Variants in AHNAK observed in about 807,000 individuals in gnomAD.
AHNAK encodes neuroblast differentiation-associated protein AHNAK.
AHNAK carries 23 observed loss-of-function variants against 37.8 expected under a neutral mutation model. The observed-to-expected ratio is 0.61, with a 90% confidence interval of 0.44 to 0.86. AHNAK has a LOEUF of 0.86. Among genes scored for constraint, AHNAK ranks in the 40% least tolerant of loss-of-function variants. The pLI is 0.00. For synonymous variants in AHNAK, 2,481 were observed against 2,636.3 expected (o/e 0.94, Z 1.80); for missense variants, 7,411 against 7,319.4 (o/e 1.01, Z -0.46).
rs747357842 is a variant in AHNAK at position 62,517,705 on chromosome 11, T to A, written c.16712A>T (p.Asp5571Val). 1 of 1,614,142 alleles carries A rather than the reference T, an allele frequency of 6.2e-7. No individual in the cohort carries two copies. The highest frequency in any genetic ancestry group is 8.5e-7 in the Non-Finnish European group (1 of 1,180,016). ...LKGPKIKGGA[D>V]VSGGVSAPDI... The stretch of plus-strand genomic sequence containing the variant: ...TGGGGCACTGACACCCCCTGAAACA[T>A]CCGCACCTCCTTTGATTTTTGGGCC... Residue 5571 changes from aspartate (D) to valine (V), a missense_variant, in exon 5 of 5, where the codon GAT (aspartate) becomes GTT (valine). By Grantham distance (152) the Asp-to-Val change is radical. Coordinates refer to ENST00000378024, the MANE Select transcript of AHNAK (RefSeq NM_001620.3).
At position 62,531,080 on chromosome 11, in the gene AHNAK, G is replaced by A. The variant is rs745536213; in HGVS notation, c.3337C>T (p.Pro1113Ser). The change falls in exon 5 of 5, where the codon CCA becomes TCA. Residue 1113 changes from proline (P) to serine (S), a missense_variant. Transcript: ENST00000378024. The stretch of plus-strand genomic sequence containing the variant: ...TCCAGGCCTTGGCCTTCCACATCTG[G>A]TGCTTTAATATCTACCTTGGGACCT... ...IRGPKVDIKA[P>S]DVEGQGLDWS... 3 of 1,613,758 alleles carry A rather than the reference G, an allele frequency of 1.9e-6. No homozygotes were observed. Among genetic ancestry groups the A allele is most frequent in the East Asian group, 4.5e-5 (2 of 44,876 alleles).
chr11:62,486,779 G>C (rs1347027022), intron 5 of AHNAK, among the ~76,000 whole-genome samples: 2 of 151,308 alleles, frequency 1.3e-5, no homozygotes, highest in Admixed American at 6.6e-5. Flanking sequence ...TCTTTACATA[G>C]ATGGAGAACT....
At position 62,531,932 on chromosome 11, in the gene AHNAK, C is replaced by T. The variant is rs751959535; in HGVS notation, c.2485G>A (p.Gly829Ser). The T allele has an allele frequency of 1.2e-6, 2 of 1,613,998 alleles. No individual in the cohort carries two copies. The highest frequency in any genetic ancestry group is 1.7e-6 in the Non-Finnish European group (2 of 1,179,992). The stretch of plus-strand genomic sequence containing the variant: ...TCATATTCTCCCTTTACGTTAGGGC[C>T]TTTCAGATGTAAGTCCACATCAGGC... ...SMPDVDLHLK[G>S]PNVKGEYDVT... The change falls in exon 5 of 5, where the codon GGC (glycine) becomes AGC (serine). Residue 829 changes from glycine to serine, a missense_variant. Physicochemically the swap from Gly to Ser is moderately conservative, Grantham distance 56. Transcript: ENST00000378024.
chr11:62,514,196 C>A (rs1195002258), downstream of AHNAK, among the ~76,000 whole-genome samples: 1 of 152,170 alleles, frequency 6.6e-6, no homozygotes, highest in Non-Finnish European at 1.5e-5. Context: ...TACACAAGTG[C>A]ACCCCACTGT....
At chr11:62,511,839 C>A (rs1179379941), downstream of AHNAK, among the ~76,000 whole-genome samples, 1 of 152,078 alleles carries the variant, frequency 6.6e-6, no homozygotes, top group East Asian at 1.9e-4. Context: ...CAGGCGAGTG[C>A]CACACCGGGC....
intron 5 of AHNAK, among the ~76,000 whole-genome samples, chr11:62,464,603 G>A (rs1938864693): frequency 6.6e-6 from 1 of 152,022 alleles, no homozygotes; most frequent in South Asian, 2.1e-4. Flanking sequence ...AGGAGGCGGA[G>A]GTTGCAGTGA....
Position 62,521,504 on chromosome 11 carries a change from C to A in AHNAK, c.12913G>T (p.Val4305Leu). Reference sequence around the variant, plus strand: ...TGCCAGTCTGGGCCATGAACATCTACATCAGGGGCATCGATGTCCACTTTG... The same window carrying A: ...TGCCAGTCTGGGCCATGAACATCTAAATCAGGGGCATCGATGTCCACTTTG... ...GPKVDIDAPD[V>L]DVHGPDWHLK... The change falls in exon 5 of 5, where the codon GTA becomes TTA. Residue 4305 changes from valine (V) to leucine (L), a missense_variant. Coordinates refer to ENST00000378024, the MANE Select transcript of AHNAK (RefSeq NM_001620.3). 6.2e-7 allele frequency: 1 copy of A among 1,612,712 alleles called. No homozygotes were observed. The highest frequency in any genetic ancestry group is 1.1e-5 in the South Asian group (1 of 90,998).
Position 62,524,279 on chromosome 11 carries a change from T to C in AHNAK, c.10138A>G (p.Ile3380Val), listed in dbSNP as rs1940385864. The change falls in exon 5 of 5, where the codon ATA (isoleucine) becomes GTA (valine). Residue 3380 changes from isoleucine to valine, a missense_variant. By Grantham distance (29) the Ile-to-Val change is conservative (BLOSUM62 3). Coordinates refer to ENST00000378024, the MANE Select transcript of AHNAK (RefSeq NM_001620.3). ...DVKGKKPDID[I>V]TGPKVDINAP... ...TTAATATCAACTTTTGGACCTGTTA[T>C]GTCAATATCTGGCTTTTTACCTTTG... 1 of 1,613,936 alleles carries C rather than the reference T, an allele frequency of 6.2e-7. No individual in the cohort carries two copies. Among genetic ancestry groups the C allele is most frequent in the Non-Finnish European group, 8.5e-7 (1 of 1,179,976 alleles).
At position 62,520,030 on chromosome 11, in the gene AHNAK, T is replaced by C. The variant is rs757957006; in HGVS notation, c.14387A>G (p.Glu4796Gly). 6.2e-7 allele frequency: 1 copy of C among 1,613,306 alleles called. No individual in the cohort carries two copies. Among genetic ancestry groups the C allele is most frequent in the East Asian group, 2.2e-5 (1 of 44,830 alleles). ...PKFSMPGFKG[E>G]GPDVDVSLPK... Reference sequence around the variant, plus strand: ...CAGGCTCACATCCACATCTGGACCTTCTCCTTTGAAGCCAGGCATGCTGAA... The same window carrying C: ...CAGGCTCACATCCACATCTGGACCTCCTCCTTTGAAGCCAGGCATGCTGAA... The change falls in exon 5 of 5, where the codon GAA becomes GGA. Residue 4796 changes from glutamate to glycine, a missense_variant. By Grantham distance (98) the Glu-to-Gly change is moderately conservative. Coordinates refer to ENST00000378024, the MANE Select transcript of AHNAK (RefSeq NM_001620.3).
intron 5 of AHNAK, among the ~76,000 whole-genome samples, chr11:62,490,363 G>C (rs112388625): frequency 6.6e-6 from 1 of 151,782 alleles, no homozygotes; most frequent in African/African-American, 2.4e-5. Context: ...CACCACGCCC[G>C]GCTAATTTTG....
chr11:62,501,902 C>A (rs1034949013), intron 4 of AHNAK, among the ~76,000 whole-genome samples: 1 of 152,176 alleles, frequency 6.6e-6, no homozygotes, highest in Non-Finnish European at 1.5e-5. Context: ...CCCAGCCAGG[C>A]TTTCCAGGTC....
At chr11:62,435,893 T>C (rs1267651880) in intron 5 of AHNAK, among the ~76,000 whole-genome samples, 1 of 152,224 alleles carries the variant, frequency 6.6e-6, no homozygotes, top group East Asian at 1.9e-4. Flanking sequence ...TATGAACCTG[T>C]CGCTGAGCTG....
chr11:62,488,214 G>A (rs1460989500), intron 5 of AHNAK, among the ~76,000 whole-genome samples: 2 of 152,048 alleles, frequency 1.3e-5, no homozygotes, highest in African/African-American at 4.8e-5. Flanking sequence ...TGAGAAAAGG[G>A]GTCAAATCCC....
intron 5 of AHNAK, among the ~76,000 whole-genome samples, chr11:62,441,265 G>A (rs1488650930): frequency 6.6e-6 from 1 of 151,266 alleles, no homozygotes; most frequent in Non-Finnish European, 1.5e-5. Flanking sequence ...GCCTCCCAAA[G>A]TGCTGGGATT....
In AHNAK at chr11:62,527,295, G is replaced by A. The variant is rs1314806883; in HGVS notation, c.7122C>T (p.Phe2374=). The change falls in exon 5 of 5, where the codon TTC becomes TTT. Residue 2374 remains phenylalanine, a synonymous_variant. Coordinates refer to ENST00000378024, the MANE Select transcript of AHNAK (RefSeq NM_001620.3). ...CTTTAAAGTGCATATCTGGCATCTTGAACTTAGGAGTTTTCCACTTGCCAT... is the reference window on the plus strand; with the variant it reads ...CTTTAAAGTGCATATCTGGCATCTTAAACTTAGGAGTTTTCCACTTGCCAT... ...GPNGKWKTPK[F]KMPDMHFKAP... The A allele has an allele frequency of 1.9e-6, 3 of 1,613,764 alleles. No individual in the cohort carries two copies. In the Admixed American group the frequency reaches 5.0e-5, roughly 27 times the overall value.
chr11:62,517,660 C>T lies in AHNAK; in HGVS notation c.16757G>A (p.Gly5586Glu), dbSNP rs1940068416. The T allele has an allele frequency of 6.2e-7, 1 of 1,614,144 alleles. No individual in the cohort carries two copies. The highest frequency in any genetic ancestry group is 1.3e-5 in the African/African-American group (1 of 75,020). ...CCCGGAACCTTTAACACTCAAATGC[C>T]CTTCACCAAGGCTGATGTCTGGGGC... ...VSAPDISLGE[G>E]HLSVKGSGGE... The change falls in exon 5 of 5, where the codon GGG (glycine) becomes GAG (glutamate). Residue 5586 changes from glycine to glutamate, a missense_variant. Physicochemically the swap from Gly to Glu is moderately conservative, Grantham distance 98. Coordinates refer to ENST00000378024, the MANE Select transcript of AHNAK (RefSeq NM_001620.3).
chr11:62,471,879 C>A (rs879589004), intron 5 of AHNAK, among the ~76,000 whole-genome samples: 3 of 151,968 alleles, frequency 2.0e-5, no homozygotes, highest in African/African-American at 4.8e-5. Flanking sequence ...AAGAAGAGCA[C>A]AAATGAAGAA....
rs114318301 is a variant in AHNAK at position 62,523,754 on chromosome 11, G to T, written c.10663C>A (p.Pro3555Thr). Residue 3555 changes from proline (P) to threonine (T), a missense_variant, in exon 5 of 5, where the codon CCC (proline) becomes ACC (threonine). Physicochemically the swap from Pro to Thr is conservative, Grantham distance 38 (BLOSUM62 -1). Coordinates refer to ENST00000378024, the MANE Select transcript of AHNAK (RefSeq NM_001620.3). ...ATATCCACATCACCTTTCACCTTGGGGCCTTTCAAGTTTAAGTCAATGTCA... is the reference window on the plus strand; with the variant it reads ...ATATCCACATCACCTTTCACCTTGGTGCCTTTCAAGTTTAAGTCAATGTCA... ...MPDIDLNLKG[P>T]KVKGDVDISL... The T allele has an allele frequency of 4.1e-4, 661 of 1,613,662 alleles. 5 individuals carry two copies. The African/African-American group carries it at 7.9e-3, about 19-fold the overall frequency.
intron 1 of AHNAK, among the ~76,000 whole-genome samples, chr11:62,538,702 C>T (rs1941031630): frequency 6.6e-6 from 1 of 152,226 alleles, no homozygotes; most frequent in Non-Finnish European, 1.5e-5. Context: ...CTCACGCACC[C>T]ATGTGCCAGA....
Sources: allele counts gnomAD v4.1 joint callset (sites outside exome capture counted in the v4.1 genomes callset), GRCh38; gene constraint gnomAD v4.1.1; transcripts MANE v1.5; gene names NCBI Gene and HGNC (gene_info 2026-07-23, HGNC 2026-07-21).